The following INPP5D variants were observed in gnomAD, a reference collection of about 807,000 sequenced individuals.
INPP5D encodes phosphatidylinositol 3,4,5-trisphosphate 5-phosphatase 1.
Under a neutral mutation model 122.9 loss-of-function variants are expected in INPP5D, and 33 were observed. That is an observed-to-expected ratio of 0.27 (90% CI 0.20 to 0.36). The LOEUF (loss-of-function observed/expected upper bound fraction) is 0.36. Among genes scored for constraint, INPP5D ranks in the 10% least tolerant of loss-of-function variants. INPP5D has a pLI of 1.00. For synonymous variants in INPP5D, 584 were observed against 576.2 expected (o/e 1.01, Z -0.19); for missense variants, 1,053 against 1,412.7 (o/e 0.75, Z 4.08).
intron 1 of INPP5D, among the ~76,000 whole-genome samples, chr2:233,066,309 G>A (rs1308562468): frequency 6.6e-5 from 10 of 152,184 alleles, no homozygotes; most frequent in Admixed American, 3.3e-4. Context: ...GAACCCTTGC[G>A]TCATGATGAC....
At chr2:233,116,294 T>C (rs1399258141) in intron 2 of INPP5D, among the ~76,000 whole-genome samples, 2 of 134,882 alleles carry the variant, frequency 1.5e-5, no homozygotes, top group African/African-American at 3.5e-5. Flanking sequence ...TATATAGATA[T>C]ATAGATACTT....
At chr2:233,102,846 T>C (rs1426309048) in intron 2 of INPP5D, among the ~76,000 whole-genome samples, 5 of 125,124 alleles carry the variant, frequency 4.0e-5, no homozygotes, top group African/African-American at 1.7e-4. Context: ...CAAGACTCCG[T>C]CTCAAAAAAA....
At chr2:233,123,107 GTCA>G (rs1345486947) in intron 3 of INPP5D, among the ~76,000 whole-genome samples, 1 of 152,062 alleles carries the variant, frequency 6.6e-6, no homozygotes, top group African/African-American at 2.4e-5. Context: ...GTTTCTTTAT[GTCA>G]TCATTAAAAG....
At chr2:233,151,121 G>A (rs1194053957) in intron 9 of INPP5D, among the ~76,000 whole-genome samples, 1 of 152,136 alleles carries the variant, frequency 6.6e-6, no homozygotes, top group Non-Finnish European at 1.5e-5. Context: ...ACAGATCAGG[G>A]ATGGGTGAAA....
chr2:233,103,947 T>C (rs1559293081), intron 2 of INPP5D, among the ~76,000 whole-genome samples: 1 of 148,070 alleles, frequency 6.8e-6, no homozygotes, highest in African/African-American at 2.5e-5. Flanking sequence ...CCTCAAATGA[T>C]CCACCTGCCT....
At chr2:233,186,353 A>G (rs1400207385) in intron 21 of INPP5D, among the ~76,000 whole-genome samples, 1 of 152,184 alleles carries the variant, frequency 6.6e-6, no homozygotes, top group Non-Finnish European at 1.5e-5. Flanking sequence ...AGAATCGAGT[A>G]CAAAGAGGCA....
chr2:233,102,212 A>C (rs1057442311), intron 2 of INPP5D, among the ~76,000 whole-genome samples: 24 of 152,222 alleles, frequency 1.6e-4, no homozygotes, highest in African/African-American at 5.5e-4. Flanking sequence ...AGTCACAAAC[A>C]TTAAAAAATC....
intron 17 of INPP5D, among the ~76,000 whole-genome samples, chr2:233,176,465 A>G (rs2106308272): frequency 1.1e-5 from 1 of 95,102 alleles, no homozygotes. Context: ...AGGTGGATGG[A>G]TGGGTGGATA....
chr2:233,169,214 G>A, intron 13 of INPP5D, 91 bp from the exon 14 acceptor site: 1 of 1,529,526 alleles, frequency 6.5e-7, no homozygotes, highest in Non-Finnish European at 8.8e-7. Context: ...CTCACTCACT[G>A]CCCCTCTCAC....
At chr2:233,171,964 C>T (rs1694503182) in intron 17 of INPP5D, among the ~76,000 whole-genome samples, 2 of 152,186 alleles carry the variant, frequency 1.3e-5, no homozygotes, top group African/African-American at 4.8e-5. Context: ...GTTCTGGGCC[C>T]CATCTGGGCT....
intron 5 of INPP5D, among the ~76,000 whole-genome samples, chr2:233,133,257 T>C (rs1323582307): frequency 6.6e-6 from 1 of 152,092 alleles, no homozygotes; most frequent in Non-Finnish European, 1.5e-5. Flanking sequence ...GTAAATGTCA[T>C]GGTAAGATAA....
intron 10 of INPP5D, among the ~76,000 whole-genome samples, chr2:233,159,344 C>A (rs1273836334): frequency 1.3e-5 from 2 of 152,284 alleles, no homozygotes; most frequent in East Asian, 3.9e-4. Flanking sequence ...TCGTGTGAGG[C>A]AGTAAAAATG....
In INPP5D at chr2:233,190,956, T is replaced by C. The variant is rs115108839; in HGVS notation, c.2446+1019T>C. Among the ~76,000 whole-genome samples, 93 of 152,250 alleles carry C rather than the reference T, an allele frequency of 6.1e-4. 1 individual carries two copies. The highest frequency in any genetic ancestry group is 2.1e-3 in the African/African-American group (88 of 41,524). ...AAGACGACAGATGAGTGAGCCAGAA[T>C]AGAAGTAGTGACAGTAAAAAAGGAG... On this transcript the variant is annotated intron_variant, in intron 22 of 26. Transcript: ENST00000445964.
intron 4 of INPP5D, among the ~76,000 whole-genome samples, chr2:233,129,884 T>G (rs916521842): frequency 6.7e-6 from 1 of 149,832 alleles, no homozygotes; most frequent in South Asian, 2.1e-4. Context: ...TGGCCTCCTT[T>G]TGTGTGTGTG....
chr2:233,085,325 G>A (rs1253312206), intron 2 of INPP5D, among the ~76,000 whole-genome samples: 2 of 151,858 alleles, frequency 1.3e-5, no homozygotes, highest in Non-Finnish European at 2.9e-5. Context: ...GGCAGAGGCT[G>A]CAGCGAGCTG....
intron 1 of INPP5D, chr2:233,076,564 A>G (rs1466577637): frequency 6.6e-6 from 1 of 152,272 alleles, no homozygotes. Flanking sequence ...GCCATAAAAT[A>G]AAATATTGTA....
At chr2:233,072,545 C>T (rs1417428479) in intron 1 of INPP5D, among the ~76,000 whole-genome samples, 1 of 152,076 alleles carries the variant, frequency 6.6e-6, no homozygotes, top group African/African-American at 2.4e-5. Context: ...TAATTATTAT[C>T]TGATTTTTGA....
At chr2:233,172,408 C>T (rs539263783) in intron 17 of INPP5D, among the ~76,000 whole-genome samples, 10 of 151,978 alleles carry the variant, frequency 6.6e-5, no homozygotes, top group East Asian at 1.9e-4. Flanking sequence ...AGGATGAGGA[C>T]GCGGCAGGGG....
chr2:233,150,807 G>A (rs1245845627), intron 9 of INPP5D, among the ~76,000 whole-genome samples: 1 of 152,198 alleles, frequency 6.6e-6, no homozygotes, highest in East Asian at 1.9e-4. Context: ...GGACTGGTTA[G>A]CTCTTTTGGG....
Sources: allele counts gnomAD v4.1 joint callset (sites outside exome capture counted in the v4.1 genomes callset), GRCh38; gene constraint gnomAD v4.1.1; transcripts MANE v1.5; gene names NCBI Gene and HGNC (gene_info 2026-07-23, HGNC 2026-07-21).